Variants in TMEM132D observed in about 807,000 individuals in gnomAD.
TMEM132D encodes the protein transmembrane protein 132D.
Under a neutral mutation model 62.3 loss-of-function variants are expected in TMEM132D, and 21 were observed. The ratio of observed to expected loss-of-function variants is 0.34; its 90% confidence interval spans 0.24 to 0.49. The LOEUF is 0.49. TMEM132D is among the 20% of genes least tolerant of loss of function. TMEM132D has a pLI of 0.99. For missense variants in TMEM132D, 1,346 were observed against 1,402.8 expected (o/e 0.96, Z 0.65); for synonymous variants, 621 against 575.6 (o/e 1.08, Z -1.13).
At chr12:129,797,472 C>T (rs772435581) in intron 1 of TMEM132D, among the ~76,000 whole-genome samples, 1 of 152,214 alleles carries the variant, frequency 6.6e-6, no homozygotes, top group Non-Finnish European at 1.5e-5. Flanking sequence ...CCACAGAGGT[C>T]ACTGTGCGCA....
At chr12:129,364,000 C>T (rs1311364036) in intron 3 of TMEM132D, among the ~76,000 whole-genome samples, 1 of 152,210 alleles carries the variant, frequency 6.6e-6, no homozygotes, top group African/African-American at 2.4e-5. Context: ...TGAACTGCAT[C>T]TTCTTTTATC....
rs539852084 is a variant in TMEM132D, at chr12:129,085,808, G to A, written c.1444-1106C>T. ...TGCAAGAGGGCTCCTCCATGCCAGC[G>A]CTGATGGGAAGAAGCAAGTTCAATG... On this transcript the variant is annotated intron_variant, in intron 5 of 8. Transcript: ENST00000422113. 31 of 152,370 alleles carry A rather than the reference G, an allele frequency of 2.0e-4. 1 individual carries two copies. Among genetic ancestry groups the A allele is most frequent in the African/African-American group, 5.3e-4 (22 of 41,578 alleles). 9.4% of individuals were successfully genotyped at this position (152,370 alleles called of 1,614,324 possible).
At chr12:129,367,990 G>T (rs954414712) in intron 3 of TMEM132D, among the ~76,000 whole-genome samples, 1 of 151,950 alleles carries the variant, frequency 6.6e-6, no homozygotes, top group African/African-American at 2.4e-5. Context: ...TTAGTAGAGA[G>T]CCTGGTTGGC....
intron 1 of TMEM132D, among the ~76,000 whole-genome samples, chr12:129,771,485 T>C (rs976984802): frequency 1.3e-5 from 2 of 152,204 alleles, no homozygotes; most frequent in African/African-American, 2.4e-5. Flanking sequence ...TGGGTCTTAA[T>C]TGCTACTTGA....
chr12:129,642,177 T>C (rs1879656506), intron 2 of TMEM132D, among the ~76,000 whole-genome samples: 1 of 152,128 alleles, frequency 6.6e-6, no homozygotes, highest in Non-Finnish European at 1.5e-5. Context: ...ACAGGAGAGA[T>C]TTTATGACAG....
At chr12:129,611,206 A>G (rs1351130195) in intron 2 of TMEM132D, among the ~76,000 whole-genome samples, 1 of 152,176 alleles carries the variant, frequency 6.6e-6, no homozygotes, top group Non-Finnish European at 1.5e-5. Flanking sequence ...AGAACATCCT[A>G]TGAGGTAGGT....
chr12:129,217,922 CT>C (rs1566000882), intron 4 of TMEM132D, among the ~76,000 whole-genome samples: 2 of 152,170 alleles, frequency 1.3e-5, no homozygotes, highest in Non-Finnish European at 2.9e-5. Flanking sequence ...GAAGCTATCA[CT>C]TCTCCTGTGC....
At chr12:129,478,433 G>A (rs556641297) in intron 3 of TMEM132D, among the ~76,000 whole-genome samples, 1 of 152,220 alleles carries the variant, frequency 6.6e-6, no homozygotes, top group African/African-American at 2.4e-5. Context: ...ATGTATGGTT[G>A]AGCTTTGACA....
chr12:129,635,263 C>T (rs562330512), intron 2 of TMEM132D, among the ~76,000 whole-genome samples: 1 of 152,336 alleles, frequency 6.6e-6, no homozygotes, highest in South Asian at 2.1e-4. Flanking sequence ...TCATTTCCAT[C>T]CCTCTTTCTT....
At chr12:129,754,856 T>C (rs751611321) in intron 1 of TMEM132D, among the ~76,000 whole-genome samples, 9 of 152,130 alleles carry the variant, frequency 5.9e-5, no homozygotes, top group Non-Finnish European at 1.3e-4. Context: ...TACACTTACA[T>C]AGGGACTGGA....
intron 4 of TMEM132D, among the ~76,000 whole-genome samples, chr12:129,265,809 C>T (rs2135597778): frequency 6.6e-6 from 1 of 152,232 alleles, no homozygotes; most frequent in Non-Finnish European, 1.5e-5. Context: ...CTCAAACCAG[C>T]CTAACCCAAA....
At chr12:129,369,936 C>T (rs1009041489) in intron 3 of TMEM132D, among the ~76,000 whole-genome samples, 1 of 152,164 alleles carries the variant, frequency 6.6e-6, no homozygotes, top group African/African-American at 2.4e-5. Context: ...GCTGCGGAAG[C>T]CAGGTGGGTC....
chr12:129,430,401 A>G (rs1219570971), intron 3 of TMEM132D, among the ~76,000 whole-genome samples: 1 of 152,162 alleles, frequency 6.6e-6, no homozygotes, highest in Non-Finnish European at 1.5e-5. Context: ...GTGTCTGTTC[A>G]TATCCTTCGC....
intron 2 of TMEM132D, among the ~76,000 whole-genome samples, chr12:129,603,658 G>T (rs953401150): frequency 1.3e-5 from 2 of 152,158 alleles, no homozygotes; most frequent in Non-Finnish European, 2.9e-5. Flanking sequence ...TCATTAAAAA[G>T]TCTGGAAACA....
chr12:129,508,716 T>C (rs1274924514), intron 3 of TMEM132D, among the ~76,000 whole-genome samples: 1 of 151,426 alleles, frequency 6.6e-6, no homozygotes, highest in Non-Finnish European at 1.5e-5. Flanking sequence ...TCCCCCAAAA[T>C]ACACATACTG....
chr12:129,753,217 T>C lies in TMEM132D; in HGVS notation c.80-52519A>G, dbSNP rs11060536. ...GCTATCCTGGGATTTAGGGATGTGCTCAGCATTTATATCAGAACCTCCTGG... is the reference window on the plus strand; with the variant it reads ...GCTATCCTGGGATTTAGGGATGTGCCCAGCATTTATATCAGAACCTCCTGG... On this transcript the variant is annotated intron_variant, in intron 1 of 8. Coordinates refer to ENST00000422113, the MANE Select transcript of TMEM132D (RefSeq NM_133448.3). 9.1e-3 allele frequency among the ~76,000 whole-genome samples: 1,386 copies of C among 152,316 alleles called. 41 individuals carry two copies. The East Asian group carries it at 0.13, about 14-fold the overall frequency.
chr12:129,453,079 C>A (rs1873350730), intron 3 of TMEM132D, among the ~76,000 whole-genome samples: 1 of 152,168 alleles, frequency 6.6e-6, no homozygotes, highest in African/African-American at 2.4e-5. Context: ...AGCACAAACC[C>A]TATTGTGAAC....
intron 1 of TMEM132D, among the ~76,000 whole-genome samples, chr12:129,807,260 CCCG>C (rs1473273062): frequency 6.6e-6 from 1 of 152,142 alleles, no homozygotes; most frequent in Non-Finnish European, 1.5e-5. Context: ...GCGGAGTCCA[CCCG>C]CATTCTCCCC....
intron 5 of TMEM132D, among the ~76,000 whole-genome samples, chr12:129,159,758 C>CA (rs1188064357): frequency 0.019 from 529 of 27,236 alleles, 3 homozygotes; most frequent in South Asian, 0.031. Flanking sequence ...GACTCGGGCT[C>CA]AAAAAAAAAA....
Sources: gnomAD v4.1 joint callset for allele counts (sites outside exome capture counted in the v4.1 genomes callset) on GRCh38, gnomAD v4.1.1 for gene constraint, MANE v1.5 for transcripts, NCBI Gene and HGNC (gene_info 2026-07-23, HGNC 2026-07-21) for gene names.